Variants in MYO9A observed in about 807,000 individuals in gnomAD.
The protein encoded by MYO9A is unconventional myosin-IXa.
Under a neutral mutation model 293.3 loss-of-function variants are expected in MYO9A, and 103 were observed. The ratio of observed to expected loss-of-function variants is 0.35; its 90% confidence interval spans 0.30 to 0.41. The LOEUF is 0.41. Among genes scored for constraint, MYO9A ranks in the 10% least tolerant of loss-of-function variants. The pLI is 1.00. For missense variants in MYO9A, 2,685 were observed against 3,033.0 expected, an observed-to-expected ratio of 0.89 and a Z score of 2.69; for synonymous variants, 1,001 against 1,035.7, an observed-to-expected ratio of 0.97 and a Z score of 0.64.
chr15:72,113,076 T>C (rs1036559520), intron 1 of MYO9A, among the ~76,000 whole-genome samples: 1 of 152,194 alleles, frequency 6.6e-6, no homozygotes, highest in Admixed American at 6.5e-5. Context: ...TCTGAACTTA[T>C]ATTTTTTAAA....
At chr15:72,090,533 C>T (rs2079873629) in intron 1 of MYO9A, among the ~76,000 whole-genome samples, 1 of 152,160 alleles carries the variant, frequency 6.6e-6, no homozygotes, top group Non-Finnish European at 1.5e-5. Context: ...CCTTAGAAAC[C>T]AAATTCTTAC....
At chr15:72,062,609 C>A (rs116329793) in intron 1 of MYO9A, among the ~76,000 whole-genome samples, 8 of 152,172 alleles carry the variant, frequency 5.3e-5, no homozygotes, top group African/African-American at 1.9e-4. Context: ...GCAGGAGAAA[C>A]AATTAATGAG....
chr15:71,930,554 T>C lies in MYO9A; in HGVS notation c.2562+3116A>G, dbSNP rs568397819. ...GGTTTTCATTTGCGTGGGATACTTT[T>C]TTCCATCCCTTAATGTTCATTCTCT... On this transcript the variant is annotated intron_variant, in intron 18 of 41. Coordinates refer to ENST00000356056, the MANE Select transcript of MYO9A (RefSeq NM_006901.4). Among the ~76,000 whole-genome samples, 4 of 152,316 alleles carry C rather than the reference T, an allele frequency of 2.6e-5. No homozygotes were observed. The South Asian group carries it at 8.3e-4, about 32-fold the overall frequency.
intron 19 of MYO9A, among the ~76,000 whole-genome samples, chr15:71,915,930 G>C (rs1240791270): frequency 6.6e-6 from 1 of 151,836 alleles, no homozygotes; most frequent in Non-Finnish European, 1.5e-5. Flanking sequence ...CCCCAAAAAA[G>C]AACTGGATTT....
chr15:72,026,487 C>T (rs1052475357), intron 4 of MYO9A, among the ~76,000 whole-genome samples: 3 of 150,338 alleles, frequency 2.0e-5, no homozygotes, highest in South Asian at 4.2e-4. Flanking sequence ...ACCTGTAAAC[C>T]CATATAAAAA....
chr15:71,940,589 A>G (rs1330146994), intron 15 of MYO9A, among the ~76,000 whole-genome samples: 1 of 152,194 alleles, frequency 6.6e-6, no homozygotes, highest in Non-Finnish European at 1.5e-5. Context: ...TGAAAACTAT[A>G]AAACATCATT....
intron 32 of MYO9A, among the ~76,000 whole-genome samples, chr15:71,868,365 C>T (rs2056405632): frequency 6.6e-6 from 1 of 152,238 alleles, no homozygotes; most frequent in Admixed American, 6.5e-5. Context: ...CTTCTACTAC[C>T]TATGTCTCCT....
chr15:71,897,237 A>G lies in MYO9A; in HGVS notation c.5042+224T>C, dbSNP rs1425928727. The G allele has an allele frequency of 1.8e-4, 91 of 519,518 alleles. 1 individual carries two copies. Among genetic ancestry groups the G allele is most frequent in the Non-Finnish European group, 1.6e-4 (48 of 295,670 alleles). The allele number at this position is 519,518 out of a possible 1,614,324, so 32.2% of individuals were successfully genotyped here. A position where few individuals can be genotyped will look rare whatever the true frequency, so the allele number is the denominator to read the frequency against. On this transcript the variant is annotated intron_variant, in intron 25 of 41. Coordinates refer to ENST00000356056, the MANE Select transcript of MYO9A (RefSeq NM_006901.4). ...AATGCTTCTCACTTAATGGGGAGGAACCCAGTATTTACTCTGCTATTCATG... is the reference window on the plus strand; with the variant it reads ...AATGCTTCTCACTTAATGGGGAGGAGCCCAGTATTTACTCTGCTATTCATG...
chr15:71,829,303 T>C (rs991321598), intron 40 of MYO9A, among the ~76,000 whole-genome samples: 3 of 152,126 alleles, frequency 2.0e-5, no homozygotes, highest in Admixed American at 6.5e-5. Flanking sequence ...GAAAGTATTT[T>C]AACAGTCTTA....
At chr15:72,101,253 G>GC (rs1324093474) in intron 1 of MYO9A, among the ~76,000 whole-genome samples, 2 of 124,616 alleles carry the variant, frequency 1.6e-5, no homozygotes, top group African/African-American at 6.1e-5. Context: ...GGGGGGGTCA[G>GC]CCCCCCGCCC....
At chr15:72,027,647 G>A (rs567207392) in intron 4 of MYO9A, 84 bp downstream of exon 4, 626 of 1,019,232 alleles carry the variant, frequency 6.1e-4, no homozygotes, top group Non-Finnish European at 7.9e-4. Flanking sequence ...CTGAATTAAG[G>A]GTCATAATAC....
chr15:72,041,820 A>C (rs2078234341), intron 2 of MYO9A, among the ~76,000 whole-genome samples: 1 of 152,102 alleles, frequency 6.6e-6, no homozygotes, highest in Non-Finnish European at 1.5e-5. Flanking sequence ...TATGAGAATA[A>C]ATATGATAAC....
chr15:72,045,729 G>C lies in MYO9A; in HGVS notation c.835C>G (p.Leu279Val). The C allele has an allele frequency of 6.3e-7, 1 of 1,588,360 alleles. No individual in the cohort carries two copies. The highest frequency in any genetic ancestry group is 8.5e-7 in the Non-Finnish European group (1 of 1,170,142). Reference sequence around the variant, plus strand: ...TAAGATTTCTATATATTTACCTCAAGTACTGGTCCAGCTCCAAGAATAATC... The same window carrying C: ...TAAGATTTCTATATATTTACCTCAACTACTGGTCCAGCTCCAAGAATAATC... ...EQIILGAGPV[L>V]EAFGNAKTAH... Residue 279 changes from leucine to valine, a missense_variant, in exon 2 of 42, where the codon CTT (leucine) becomes GTT (valine). Leu to Val is a conservative substitution (Grantham distance 32). Transcript: ENST00000356056.
At chr15:71,912,315 G>A (rs1332674653) in intron 19 of MYO9A, among the ~76,000 whole-genome samples, 1 of 151,512 alleles carries the variant, frequency 6.6e-6, no homozygotes, top group East Asian at 1.9e-4. Flanking sequence ...GAGTGCAGTG[G>A]TGCAATCTCA....
At chr15:71,961,908 G>A (rs1596289022) in intron 13 of MYO9A, among the ~76,000 whole-genome samples, 1 of 151,936 alleles carries the variant, frequency 6.6e-6, no homozygotes, top group African/African-American at 2.4e-5. Context: ...TATTTTTGTA[G>A]AGACAGAGTC....
chr15:71,896,867 G>T (rs1596133352), intron 25 of MYO9A: 1 of 152,016 alleles, frequency 6.6e-6, no homozygotes, highest in Admixed American at 6.6e-5. Flanking sequence ...GGTTGCCAGG[G>T]GCTACAAGGA....
chr15:71,883,340 G>A (rs1188683597), intron 28 of MYO9A, among the ~76,000 whole-genome samples: 1 of 152,052 alleles, frequency 6.6e-6, no homozygotes, highest in South Asian at 2.1e-4. Context: ...GAAAATTAAG[G>A]CTAACCTATG....
intron 1 of MYO9A, among the ~76,000 whole-genome samples, chr15:72,066,640 G>A (rs1415044739): frequency 6.6e-6 from 1 of 152,142 alleles, no homozygotes; most frequent in African/African-American, 2.4e-5. Context: ...AGTTATATAG[G>A]CAGGGCACAA....
intron 18 of MYO9A, 94 bp from the exon 19 acceptor site, chr15:71,916,586 C>A: frequency 1.7e-6 from 2 of 1,197,760 alleles, no homozygotes; most frequent in South Asian, 3.0e-5. Context: ...ATCTATATGA[C>A]CATTTCCCAT....
Sources: gnomAD v4.1 joint callset for allele counts (sites outside exome capture counted in the v4.1 genomes callset) on GRCh38, gnomAD v4.1.1 for gene constraint, MANE v1.5 for transcripts, NCBI Gene and HGNC (gene_info 2026-07-23, HGNC 2026-07-21) for gene names.